Variants in NCK1 observed in about 807,000 individuals in gnomAD.
NCK1 encodes NCK adaptor protein 1.
Under a neutral mutation model 36.6 loss-of-function variants are expected in NCK1, and 19 were observed. The ratio of observed to expected loss-of-function variants is 0.52; its 90% CI spans 0.36 to 0.76. The LOEUF (loss-of-function observed/expected upper bound fraction) is 0.76. NCK1 is among the 30% of genes least tolerant of loss of function. The pLI is 0.00. For synonymous variants in NCK1, 165 were observed against 156.0 expected, an observed-to-expected ratio of 1.06 and a Z score of -0.43; for missense variants, 358 against 445.6, an observed-to-expected ratio of 0.80 and a Z score of 1.77.
At chr3:136,869,940 A>G (rs897270185) in intron 1 of NCK1, among the ~76,000 whole-genome samples, 1 of 151,608 alleles carries the variant, frequency 6.6e-6, no homozygotes, top group Non-Finnish European at 1.5e-5. Context: ...TGGTATGGAT[A>G]ATTTTTGCTT....
intron 1 of NCK1, among the ~76,000 whole-genome samples, chr3:136,867,202 CCCTTCCTT>C (rs368795229): frequency 0.046 from 4,720 of 103,174 alleles, 528 homozygotes; most frequent in Non-Finnish European, 0.061. Flanking sequence ...TCTTTCTTTT[CCCTTCCTT>C]CCTTCCTTCC....
intron 1 of NCK1, among the ~76,000 whole-genome samples, chr3:136,881,284 A>G (rs894157452): frequency 7.9e-5 from 12 of 151,980 alleles, no homozygotes; most frequent in African/African-American, 2.2e-4. Context: ...CAGTGGTGCA[A>G]TCTTGGCTCA....
Position 136,950,367 on chromosome 3 carries a change from T to C in NCK1, c.*1914T>C, listed in dbSNP as rs1417477149. Among the ~76,000 whole-genome samples, 1 of 152,064 alleles carries C rather than the reference T, an allele frequency of 6.6e-6. No individual in the cohort carries two copies. Among genetic ancestry groups the C allele is most frequent in the African/African-American group, 2.4e-5 (1 of 41,418 alleles). On this transcript the variant is annotated 3_prime_UTR_variant, in exon 4 of 4. Coordinates refer to ENST00000481752, the MANE Select transcript of NCK1 (RefSeq NM_001291999.2). Reference sequence around the variant, plus strand: ...TTAATAGAGCAGACTTTTGAGAAAGTAGGAGTGTAGTAGCACTGGAAACAG... The same window carrying C: ...TTAATAGAGCAGACTTTTGAGAAAGCAGGAGTGTAGTAGCACTGGAAACAG...
At chr3:136,946,418 A>G (rs974947507) in intron 3 of NCK1, 123 bp downstream of exon 3, 2 of 767,802 alleles carry the variant, frequency 2.6e-6, no homozygotes, top group East Asian at 2.6e-5. Context: ...GGGACGTAAC[A>G]TAAGCATAAA....
chr3:136,945,686 C>A lies in NCK1; in HGVS notation c.330C>A (p.Pro110=). 6.2e-7 allele frequency: 1 copy of A among 1,614,004 alleles called. No individual in the cohort carries two copies. Among genetic ancestry groups the A allele is most frequent in the South Asian group, 1.1e-5 (1 of 91,072 alleles). Residue 110 remains proline, a synonymous_variant, in exon 3 of 4, where the codon CCC becomes CCA. Transcript: ENST00000481752. ...PGERLYDLNM[P]AYVKFNYMAE... ...AACGTCTCTATGACCTCAACATGCC[C>A]GCTTATGTGAAATTTAACTACATGG... is the stretch of plus-strand genomic sequence containing the variant.
chr3:136,888,854 GT>G (rs928453576), intron 1 of NCK1, among the ~76,000 whole-genome samples: 3 of 151,332 alleles, frequency 2.0e-5, no homozygotes, highest in African/African-American at 7.3e-5. Flanking sequence ...TTAGTTCAAT[GT>G]TTTTTTTGTT....
chr3:136,904,508 G>A (rs1328841695), intron 1 of NCK1, among the ~76,000 whole-genome samples: 2 of 152,156 alleles, frequency 1.3e-5, no homozygotes, highest in Non-Finnish European at 2.9e-5. Context: ...TAAGGTTTCT[G>A]CTGAGAATTC....
chr3:136,935,837 A>T (rs183550352), intron 2 of NCK1, among the ~76,000 whole-genome samples: 1 of 152,198 alleles, frequency 6.6e-6, no homozygotes, highest in Admixed American at 6.5e-5. Context: ...CACCCCAAAA[A>T]TAGTCACTCT....
At chr3:136,864,853 G>A (rs756768183) in intron 1 of NCK1, among the ~76,000 whole-genome samples, 1 of 149,494 alleles carries the variant, frequency 6.7e-6, no homozygotes, top group African/African-American at 2.4e-5. Context: ...TGCCTCCCGG[G>A]TTCAATCGAT....
intron 1 of NCK1, among the ~76,000 whole-genome samples, chr3:136,904,134 T>A (rs1280515944): frequency 6.6e-6 from 1 of 151,180 alleles, no homozygotes; most frequent in Admixed American, 6.6e-5. Flanking sequence ...GACTGACAGT[T>A]TTTTTTTCAT....
intron 3 of NCK1, 139 bp downstream of exon 3, chr3:136,946,434 C>G: frequency 1.4e-6 from 1 of 712,102 alleles, no homozygotes; most frequent in South Asian, 1.9e-5. Context: ...ATAAATGTTC[C>G]AAAGCTAAAG....
intron 1 of NCK1, among the ~76,000 whole-genome samples, chr3:136,885,806 GA>G (rs1939060402): frequency 6.6e-6 from 1 of 152,208 alleles, no homozygotes; most frequent in Non-Finnish European, 1.5e-5. Context: ...GGGGTTTGTA[GA>G]GGGAGAAAAG....
At chr3:136,904,463 A>G (rs1939629022) in intron 1 of NCK1, among the ~76,000 whole-genome samples, 1 of 152,108 alleles carries the variant, frequency 6.6e-6, no homozygotes, top group South Asian at 2.1e-4. Flanking sequence ...TTCTTTCAGC[A>G]TTTTGAATAT....
intron 1 of NCK1, among the ~76,000 whole-genome samples, chr3:136,882,158 C>T (rs761569316): frequency 2.6e-5 from 4 of 151,836 alleles, no homozygotes; most frequent in Non-Finnish European, 4.4e-5. Flanking sequence ...ATAAGAGTTC[C>T]AATATCATTA....
rs892365392 is a variant in NCK1, at chr3:136,896,672, A to AT, written c.-18-31304dup. ...ACCACACCTGGCTAATTAAAAAAGA[A>AT]TTTTTTTTGTAGAAATGGGGGTCTC... is the stretch of plus-strand genomic sequence containing the variant. On this transcript the variant is annotated intron_variant, in intron 1 of 3. Transcript: ENST00000481752. Among the ~76,000 whole-genome samples, 11 of 151,936 alleles carry AT rather than the reference A, an allele frequency of 7.2e-5. 1 individual carries two copies. Among genetic ancestry groups the AT allele is most frequent in the South Asian group, 6.2e-4 (3 of 4,802 alleles).
rs2060705123 is a variant in NCK1 at position 136,932,489 on chromosome 3, ATTTAT to A, written c.226+4265_226+4269del. On this transcript the variant is annotated intron_variant, in intron 2 of 3. Coordinates refer to ENST00000481752, the MANE Select transcript of NCK1 (RefSeq NM_001291999.2). ...GTTTTAAATAAAACAATAAAAAATA[ATTTAT>A]TTCATGTAGATGAAGTGAACAGATG... is the stretch of plus-strand genomic sequence containing the variant. Among the ~76,000 whole-genome samples, 5 of 152,214 alleles carry A rather than the reference ATTTAT, an allele frequency of 3.3e-5. No individual in the cohort carries two copies. In the South Asian group the frequency reaches 1.0e-3, roughly 31 times the overall value.
chr3:136,866,815 G>A (rs1938427133), intron 1 of NCK1, among the ~76,000 whole-genome samples: 1 of 152,102 alleles, frequency 6.6e-6, no homozygotes, highest in East Asian at 1.9e-4. Flanking sequence ...GTTTCACCAT[G>A]TTGGCCAGGC....
At chr3:136,886,348 T>C (rs1939073544) in intron 1 of NCK1, among the ~76,000 whole-genome samples, 3 of 152,200 alleles carry the variant, frequency 2.0e-5, no homozygotes, top group Non-Finnish European at 4.4e-5. Flanking sequence ...GATACCAAAA[T>C]TTGAGGATGC....
intron 1 of NCK1, among the ~76,000 whole-genome samples, chr3:136,872,970 G>A (rs1241479988): frequency 1.3e-5 from 2 of 152,194 alleles, no homozygotes; most frequent in African/African-American, 4.8e-5. Context: ...TAGAGCATTC[G>A]TGGAGAACCT....
Sources: allele counts gnomAD v4.1 joint callset (sites outside exome capture counted in the v4.1 genomes callset), GRCh38; gene constraint gnomAD v4.1.1; transcripts MANE v1.5; gene names NCBI Gene and HGNC (gene_info 2026-07-23, HGNC 2026-07-21).